ITGA6: variants seen among roughly 807,000 people sequenced by gnomAD.
ITGA6 encodes integrin alpha-6.
In ITGA6, 63 loss-of-function variants were observed where a neutral mutation model predicts 133.6. That is an observed-to-expected ratio of 0.47 (90% CI 0.38 to 0.58). The LOEUF (loss-of-function observed/expected upper bound fraction) is 0.58, where lower values mean the gene tolerates loss of function less well. Among genes scored for constraint, ITGA6 ranks in the 20% least tolerant of loss-of-function variants. The pLI, the probability that ITGA6 is intolerant of heterozygous loss-of-function variation, is 0.00. For missense variants in ITGA6, 1,068 were observed against 1,309.4 expected, an observed-to-expected ratio of 0.82 and a Z score of 2.85; for synonymous variants, 434 against 482.0, an observed-to-expected ratio of 0.90 and a Z score of 1.30.
At chr2:172,428,568 G>T (rs1484025906) in intron 1 of ITGA6, 1 of 144,526 alleles carries the variant, frequency 6.9e-6, no homozygotes. Flanking sequence ...AAAAAGATGG[G>T]GGTGGGGGCG....
At chr2:172,490,752 A>G in intron 20 of ITGA6, 1 of 387,088 alleles carries the variant, frequency 2.6e-6, no homozygotes, top group Non-Finnish European at 4.9e-6. Flanking sequence ...GTGGGGATAC[A>G]GAGGAACAAA....
chr2:172,480,668 G>A (rs17677404), intron 11 of ITGA6, among the ~76,000 whole-genome samples: 21,329 of 152,112 alleles, frequency 0.14, 1,653 homozygotes, highest in South Asian at 0.17. Flanking sequence ...TTTCCTGTCC[G>A]TTCAGAACAA....
At chr2:172,427,469 G>C (rs1238286474), upstream of ITGA6, 3 of 1,072,828 alleles carry the variant, frequency 2.8e-6, no homozygotes, top group Non-Finnish European at 3.4e-6. Flanking sequence ...CAGAGCCGGC[G>C]GGTAAGGTGC....
At chr2:172,488,297 G>A in intron 19 of ITGA6, 69 bp downstream of exon 19, 2 of 977,290 alleles carry the variant, frequency 2.0e-6, no homozygotes, top group Non-Finnish European at 3.3e-6. Context: ...TCTTGAGTAT[G>A]TCATTTTAAT....
chr2:172,489,864 G>A (rs769766987), intron 20 of ITGA6: 3 of 542,800 alleles, frequency 5.5e-6, no homozygotes, highest in Non-Finnish European at 9.9e-6. Context: ...AGTACATAAG[G>A]CAGAGTCATT....
intron 24 of ITGA6, among the ~76,000 whole-genome samples, chr2:172,499,409 G>C (rs1687261373): frequency 1.3e-5 from 2 of 152,128 alleles, no homozygotes; most frequent in Non-Finnish European, 1.5e-5. Context: ...CTGTCACCCA[G>C]GCTGGATTGC....
intron 5 of ITGA6, among the ~76,000 whole-genome samples, chr2:172,471,909 G>A (rs12468884): frequency 0.36 from 32,866 of 90,626 alleles, 5,136 homozygotes; most frequent in East Asian, 0.8. Context: ...AAAAAAAAAA[G>A]AAAGTGAAGA....
At chr2:172,473,070 T>C (rs147549827) in intron 5 of ITGA6, among the ~76,000 whole-genome samples, 6 of 152,320 alleles carry the variant, frequency 3.9e-5, no homozygotes, top group African/African-American at 1.2e-4. Flanking sequence ...GGACTCCATA[T>C]TGCCCTCTAA....
At chr2:172,441,870 T>G (rs1684557963) in intron 1 of ITGA6, among the ~76,000 whole-genome samples, 1 of 152,160 alleles carries the variant, frequency 6.6e-6, no homozygotes, top group Non-Finnish European at 1.5e-5. Context: ...TTGTTTCTGC[T>G]TCATTTCCCA....
intron 1 of ITGA6, among the ~76,000 whole-genome samples, chr2:172,430,001 A>G (rs1228225438): frequency 1.3e-5 from 2 of 152,198 alleles, no homozygotes; most frequent in East Asian, 1.9e-4. Context: ...AGACTGAGAA[A>G]ACTTCTGGAC....
intron 24 of ITGA6, among the ~76,000 whole-genome samples, chr2:172,500,446 C>T (rs1433093020): frequency 6.6e-6 from 1 of 152,096 alleles, no homozygotes; most frequent in Admixed American, 6.5e-5. Flanking sequence ...CTGGCTAACA[C>T]GGTGAAACCC....
intron 4 of ITGA6, among the ~76,000 whole-genome samples, chr2:172,470,188 G>A (rs1685860325): frequency 6.6e-6 from 1 of 152,158 alleles, no homozygotes; most frequent in East Asian, 1.9e-4. Flanking sequence ...TTTTAATTGT[G>A]GTTCTAAATG....
At chr2:172,502,011 A>G in intron 25 of ITGA6, 110 bp downstream of exon 25, 2 of 945,718 alleles carry the variant, frequency 2.1e-6, no homozygotes, top group Admixed American at 2.2e-5. Flanking sequence ...GATGTTTCCA[A>G]ATGTCCACAC....
chr2:172,450,444 C>T (rs552903218), intron 1 of ITGA6, among the ~76,000 whole-genome samples: 1 of 152,112 alleles, frequency 6.6e-6, no homozygotes, highest in Non-Finnish European at 1.5e-5. Flanking sequence ...CACCTTGAAG[C>T]AAAACACAAA....
chr2:172,464,076 G>T (rs999980164), intron 1 of ITGA6, among the ~76,000 whole-genome samples: 33 of 152,156 alleles, frequency 2.2e-4, no homozygotes, highest in African/African-American at 8.0e-4. Flanking sequence ...GGGTTTGGAG[G>T]TGGGGGCTGA....
In ITGA6 at chr2:172,487,989, A is replaced by G. The variant is rs759448459; in HGVS notation, c.2353A>G (p.Ile785Val). 6.2e-6 allele frequency: 10 copies of G among 1,613,936 alleles called. No individual in the cohort carries two copies. The East Asian group carries it at 1.6e-4, about 25-fold the overall frequency. ...AAGCAATCAAGATAATTTGGCTCCA[A>G]TTACAGCTAAAGCAAAAGTGGTTAT... The part of the protein sequence containing the change: ...TTSNQDNLAP[I>V]TAKAKVVIEL... The change falls in exon 18 of 26, where the codon ATT (isoleucine) becomes GTT (valine). Residue 785 changes from isoleucine (I) to valine (V), a missense_variant. Physicochemically the swap from Ile to Val is conservative, Grantham distance 29. Transcript: ENST00000684293.
chr2:172,452,252 C>A (rs757950164), intron 1 of ITGA6, among the ~76,000 whole-genome samples: 8 of 152,250 alleles, frequency 5.3e-5, no homozygotes, highest in East Asian at 1.9e-4. Flanking sequence ...TCCCTTTGAA[C>A]CTTTGTCCCT....
chr2:172,458,702 T>G (rs544071617), intron 1 of ITGA6, among the ~76,000 whole-genome samples: 1 of 152,180 alleles, frequency 6.6e-6, no homozygotes, highest in African/African-American at 2.4e-5. Flanking sequence ...AGAACAGGGA[T>G]TATCAGGCAT....
chr2:172,473,907 C>G (rs1230232049), intron 5 of ITGA6, 148 bp from the exon 6 acceptor site: 1 of 618,982 alleles, frequency 1.6e-6, no homozygotes, highest in Non-Finnish European at 2.9e-6. Context: ...AACTCTGTCA[C>G]TCATATTACG....
Sources: gnomAD v4.1 joint callset for allele counts (sites outside exome capture counted in the v4.1 genomes callset) on GRCh38, gnomAD v4.1.1 for gene constraint, MANE v1.5 for transcripts, NCBI Gene and HGNC (gene_info 2026-07-23, HGNC 2026-07-21) for gene names.